The following BCL9 variants were observed in gnomAD, a reference collection of about 807,000 sequenced individuals.
BCL9 encodes BCL9 transcription coactivator.
In BCL9, 25 loss-of-function variants were observed where a neutral mutation model predicts 88.5. The ratio of observed to expected loss-of-function variants is 0.28; its 90% CI spans 0.21 to 0.39. BCL9 has a LOEUF of 0.39. Among genes scored for constraint, BCL9 ranks in the 10% least tolerant of loss-of-function variants. The probability of loss-of-function intolerance (pLI) is 1.00; values close to 1 mark genes in which losing one functional copy is unlikely to be tolerated. For missense variants in BCL9, 1,817 were observed against 1,877.8 expected (o/e 0.97, Z 0.60); for synonymous variants, 711 against 673.3 (o/e 1.06, Z -0.87).
chr1:147,624,325 C>T lies in BCL9; in HGVS notation c.3647C>T (p.Thr1216Ile), dbSNP rs1453415487. The T allele has an allele frequency of 2.5e-6, 4 of 1,614,104 alleles. No individual in the cohort carries two copies. Among genetic ancestry groups the T allele is most frequent in the Non-Finnish European group, 2.5e-6 (3 of 1,180,042 alleles). Reference protein sequence around the residue: ...VLGNSMPSVFTDPDLQEVIRP... With the variant: ...VLGNSMPSVFIDPDLQEVIRP... ...GGGAACAGCATGCCTTCGGTGTTTACAGACCCAGATCTGCAGGAGGTCATC... is the reference window on the plus strand; with the variant it reads ...GGGAACAGCATGCCTTCGGTGTTTATAGACCCAGATCTGCAGGAGGTCATC... The change falls in exon 10 of 10, where the codon ACA becomes ATA. Residue 1216 changes from threonine (T) to isoleucine (I), a missense_variant. Around this residue, in one of 2 missense-constraint regions of BCL9, gnomAD observed 589 missense variants for 686.2 expected, o/e 0.86. Coordinates refer to ENST00000234739, the MANE Select transcript of BCL9 (RefSeq NM_004326.4). This position sits in a 1 kb window ranked among gnomAD's most constrained non-coding sequence, Gnocchi z 4.4.
At chr1:147,610,926 C>G (rs587673671) in intron 3 of BCL9, among the ~76,000 whole-genome samples, 3 of 152,198 alleles carry the variant, frequency 2.0e-5, no homozygotes, top group Non-Finnish European at 4.4e-5. Context: ...CCTGCAGTCC[C>G]TGTCATTAAG....
intron 1 of BCL9, among the ~76,000 whole-genome samples, chr1:147,547,990 A>G (rs1262778540): frequency 2.6e-5 from 4 of 152,232 alleles, no homozygotes; most frequent in South Asian, 4.1e-4. Context: ...GAGCTTTAGT[A>G]ATTCCATGAA....
rs894867400 is a variant in BCL9, at chr1:147,614,482, G to A, written c.426G>A (p.Ser142=). The A allele has an allele frequency of 2.0e-5, 32 of 1,613,810 alleles. No homozygotes were observed. The highest frequency in any genetic ancestry group is 1.6e-4 in the Middle Eastern group (1 of 6,084). The change falls in exon 6 of 10, where the codon TCG becomes TCA. Residue 142 remains serine (S), a synonymous_variant. Coordinates refer to ENST00000234739, the MANE Select transcript of BCL9 (RefSeq NM_004326.4). ...KSQDSQHTPH[S]MTPSNATAPR... The stretch of plus-strand genomic sequence containing the variant: ...AGGATTCCCAGCACACACCACACTC[G>A]ATGACCCCATCAAATGCTACAGCCC...
chr1:147,599,464 C>T (rs1254237869), intron 1 of BCL9, among the ~76,000 whole-genome samples: 3 of 149,144 alleles, frequency 2.0e-5, no homozygotes, highest in African/African-American at 7.7e-5. Context: ...CCACGCTGCC[C>T]TTCCCCCTCC....
At chr1:147,594,075 A>G (rs1039169730) in intron 1 of BCL9, among the ~76,000 whole-genome samples, 2 of 152,244 alleles carry the variant, frequency 1.3e-5, no homozygotes, top group African/African-American at 4.8e-5. Flanking sequence ...AGGTAGATAG[A>G]GGGGCCCTCA....
At chr1:147,546,978 C>T (rs1654632093) in intron 1 of BCL9, among the ~76,000 whole-genome samples, 1 of 132,744 alleles carries the variant, frequency 7.5e-6, no homozygotes, top group Admixed American at 8.3e-5. Flanking sequence ...TTGCTGTTCT[C>T]ACAGGCTTTT....
At chr1:147,574,664 TTAGA>T (rs1279483566) in intron 1 of BCL9, among the ~76,000 whole-genome samples, 2 of 152,212 alleles carry the variant, frequency 1.3e-5, no homozygotes, top group African/African-American at 4.8e-5. Flanking sequence ...GAGTCCTCGA[TTAGA>T]TAGATCTCTA....
Position 147,570,630 on chromosome 1 carries a change from C to CTTTTCTTTTTTTT in BCL9, c.-478+28960_-478+28961insCTTTTTTTTTTTT, listed in dbSNP as rs1357272075. Among the ~76,000 whole-genome samples the CTTTTCTTTTTTTT allele has an allele frequency of 8.6e-4, 13 of 15,178 alleles. 3 individuals carry two copies. Among genetic ancestry groups the CTTTTCTTTTTTTT allele is most frequent in the Non-Finnish European group, 1.1e-3 (9 of 8,440 alleles). The allele number at this position is 15,178 out of a possible 152,430, so 10.0% of individuals were successfully genotyped here. On this transcript the variant is annotated intron_variant, in intron 1 of 9. Coordinates refer to ENST00000234739, the MANE Select transcript of BCL9 (RefSeq NM_004326.4). Reference sequence around the variant, plus strand: ...TAACACAAAATTGTTGACTGATTTTCTTTTTTTTCTTTTTTTTTTTTGTAG... The same window carrying CTTTTCTTTTTTTT: ...TAACACAAAATTGTTGACTGATTTTCTTTTCTTTTTTTTTTTTTTTTCTTTTTTTTTTTTGTAG...
chr1:147,585,460 T>G (rs1656560488), intron 1 of BCL9, among the ~76,000 whole-genome samples: 1 of 152,080 alleles, frequency 6.6e-6, no homozygotes. Flanking sequence ...TCACACAAGA[T>G]GCTAACGATG....
rs1008371693 is a variant in BCL9, at chr1:147,545,651, A to G, written c.-478+3977A>G. Among the ~76,000 whole-genome samples, 9 of 152,348 alleles carry G rather than the reference A, an allele frequency of 5.9e-5. No homozygotes were observed. The Middle Eastern group carries it at 0.01, about 173-fold the overall frequency. ...GTAAAACCAACACAACATGCAGGAC[A>G]TTCCCAAAACTCACTAGTTACAAAT... On this transcript the variant is annotated intron_variant, in intron 1 of 9. Coordinates refer to ENST00000234739, the MANE Select transcript of BCL9 (RefSeq NM_004326.4).
Position 147,622,252 on chromosome 1 carries a change from T to A in BCL9, c.2903-19T>A. ...AATCTAATTCCCTGCCCGTTTTGTT[T>A]TATTTTGCTTCCTTTTAGGTGGCCC... is the stretch of plus-strand genomic sequence containing the variant. On this transcript the variant is annotated intron_variant, in intron 8 of 9. Transcript: ENST00000234739. 1 of 1,613,602 alleles carries A rather than the reference T, an allele frequency of 6.2e-7. No individual in the cohort carries two copies. The highest frequency in any genetic ancestry group is 8.5e-7 in the Non-Finnish European group (1 of 1,179,666).
intron 1 of BCL9, among the ~76,000 whole-genome samples, chr1:147,546,355 T>C (rs1457952841): frequency 1.3e-5 from 2 of 151,440 alleles, no homozygotes; most frequent in African/African-American, 4.9e-5. Flanking sequence ...TAATAAATAA[T>C]AATAGTTGCC....
At chr1:147,599,085 G>A (rs1248654764) in intron 1 of BCL9, among the ~76,000 whole-genome samples, 1 of 152,258 alleles carries the variant, frequency 6.6e-6, no homozygotes, top group Non-Finnish European at 1.5e-5. Flanking sequence ...AGCGACGTGA[G>A]GTCCTGGACA....
Position 147,620,406 on chromosome 1 carries a change from C to A in BCL9, c.2251C>A (p.Arg751Ser). ...GGGCCCTGAGGAGATGCTGAAATTA[C>A]GCCCAGGTGGCTCAGACATGCTGCC... The part of the protein sequence containing the change: ...GAGPEEMLKL[R>S]PGGSDMLPAQ... Residue 751 changes from arginine (R) to serine (S), a missense_variant, in exon 8 of 10, where the codon CGC (arginine) becomes AGC (serine). This residue lies in a region of BCL9 where 1,228 missense variants were observed against 1,191.6 expected (regional missense o/e 1.03). Transcript: ENST00000234739. 1 of 1,613,844 alleles carries A rather than the reference C, an allele frequency of 6.2e-7. No homozygotes were observed. Among genetic ancestry groups the A allele is most frequent in the Non-Finnish European group, 8.5e-7 (1 of 1,179,952 alleles).
At chr1:147,553,638 G>C (rs1349633685) in intron 1 of BCL9, among the ~76,000 whole-genome samples, 5 of 152,140 alleles carry the variant, frequency 3.3e-5, no homozygotes, top group Non-Finnish European at 7.4e-5. Flanking sequence ...GATTTGCTTT[G>C]AGTATGGTAA....
chr1:147,594,462 T>C (rs879964346), intron 1 of BCL9, among the ~76,000 whole-genome samples: 4 of 152,212 alleles, frequency 2.6e-5, no homozygotes, highest in Non-Finnish European at 5.9e-5. Context: ...TAAGTCACTT[T>C]AGATGAGCAA....
At chr1:147,597,244 A>G (rs1390695949) in intron 1 of BCL9, among the ~76,000 whole-genome samples, 1 of 152,236 alleles carries the variant, frequency 6.6e-6, no homozygotes, top group Non-Finnish European at 1.5e-5. Context: ...TGTTGCCTCA[A>G]CTTGAAAGTG....
Position 147,618,922 on chromosome 1 carries a change from C to T in BCL9, c.767C>T (p.Pro256Leu). The stretch of plus-strand genomic sequence containing the variant: ...TCTTCCCAGAATACCAGACTGCAGC[C>T]AACTCCACCCATTCCGGCACCAGCA... ...QNSSQNTRLQPTPPIPAPAPK... is the reference protein window; with the variant it reads ...QNSSQNTRLQLTPPIPAPAPK... The change falls in exon 8 of 10, where the codon CCA becomes CTA. Residue 256 changes from proline to leucine, a missense_variant. Physicochemically the swap from Pro to Leu is moderately conservative, Grantham distance 98. This residue lies in a region of BCL9 where 1,228 missense variants were observed against 1,191.6 expected (regional missense o/e 1.03). Transcript: ENST00000234739. 6.2e-7 allele frequency: 1 copy of T among 1,613,962 alleles called. No individual in the cohort carries two copies. Among genetic ancestry groups the T allele is most frequent in the South Asian group, 1.1e-5 (1 of 91,066 alleles).
At chr1:147,609,568 C>A (rs972240706) in intron 3 of BCL9, among the ~76,000 whole-genome samples, 2 of 152,168 alleles carry the variant, frequency 1.3e-5, no homozygotes, top group Non-Finnish European at 2.9e-5. Flanking sequence ...CAAAGTCAGG[C>A]AAATTGTGAG....
Sources: gnomAD v4.1 joint callset for allele counts (sites outside exome capture counted in the v4.1 genomes callset) on GRCh38, gnomAD v4.1.1 for gene constraint, gnomAD v4.1.1 regional missense constraint, Gnocchi (gnomAD v3.1) non-coding constraint, MANE v1.5 for transcripts, NCBI Gene and HGNC (gene_info 2026-07-23, HGNC 2026-07-21) for gene names.